Variants in GMDS observed in about 807,000 individuals in gnomAD.
GMDS encodes the protein GDP-mannose 4,6-dehydratase.
Under a neutral mutation model 49.9 loss-of-function variants are expected in GMDS, and 20 were observed. The ratio of observed to expected loss-of-function variants is 0.40; its 90% CI spans 0.28 to 0.58. GMDS has a LOEUF of 0.58. Among genes scored for constraint, GMDS ranks in the 20% least tolerant of loss-of-function variants. GMDS has a pLI of 0.42. For synonymous variants in GMDS, 177 were observed against 178.6 expected, an observed-to-expected ratio of 0.99 and a Z score of 0.07; for missense variants, 362 against 481.4, an observed-to-expected ratio of 0.75 and a Z score of 2.32.
intron 1 of GMDS, among the ~76,000 whole-genome samples, chr6:2,215,096 G>C (rs1429683129): frequency 6.6e-6 from 1 of 152,088 alleles, no homozygotes; most frequent in Non-Finnish European, 1.5e-5. Context: ...AGGAAATAAA[G>C]GGATAAAAGA....
intron 1 of GMDS, among the ~76,000 whole-genome samples, chr6:2,185,238 AGT>A (rs1778726304): frequency 6.6e-6 from 1 of 152,310 alleles, no homozygotes; most frequent in South Asian, 2.1e-4. Context: ...AACAAACTTA[AGT>A]TTTTTCAAAG....
chr6:1,703,995 C>T (rs765661124), intron 9 of GMDS, among the ~76,000 whole-genome samples: 1 of 152,162 alleles, frequency 6.6e-6, no homozygotes, highest in Non-Finnish European at 1.5e-5. Context: ...AGTCTGTGCA[C>T]CCTGACTTTC....
intron 7 of GMDS, among the ~76,000 whole-genome samples, chr6:1,786,184 C>G (rs889282689): frequency 5.9e-5 from 9 of 152,184 alleles, no homozygotes; most frequent in Non-Finnish European, 1.5e-5. Context: ...TTTAATAACT[C>G]CATGAAAATG....
At chr6:1,846,772 A>T (rs1452675951) in intron 7 of GMDS, among the ~76,000 whole-genome samples, 3 of 152,260 alleles carry the variant, frequency 2.0e-5, no homozygotes, top group African/African-American at 7.2e-5. Flanking sequence ...TGTACCGGAA[A>T]GCAAAGCCTC....
chr6:1,669,975 C>T (rs2436582), intron 9 of GMDS, among the ~76,000 whole-genome samples: 118,119 of 143,152 alleles, frequency 0.83, 49,117 homozygotes, highest in East Asian at 0.89. Context: ...GCTGGGTGAC[C>T]GGAGAGGTCA....
At chr6:1,627,766 T>C (rs890066581) in intron 9 of GMDS, among the ~76,000 whole-genome samples, 3 of 152,186 alleles carry the variant, frequency 2.0e-5, no homozygotes, top group African/African-American at 7.2e-5. Flanking sequence ...AACTGGGTGG[T>C]CTGGAGCTTT....
At chr6:2,117,014 A>T (rs149280498) in intron 3 of GMDS, among the ~76,000 whole-genome samples, 6 of 152,342 alleles carry the variant, frequency 3.9e-5, no homozygotes, top group African/African-American at 9.6e-5. Flanking sequence ...GCTGACAATG[A>T]TCAGTCATTT....
intron 7 of GMDS, among the ~76,000 whole-genome samples, chr6:1,871,222 C>T (rs1353737098): frequency 6.6e-6 from 1 of 152,168 alleles, no homozygotes; most frequent in Admixed American, 6.5e-5. Flanking sequence ...TGTGACTTCT[C>T]GGCCTCACTG....
chr6:1,769,184 G>A (rs1013871617), intron 7 of GMDS, among the ~76,000 whole-genome samples: 17 of 152,246 alleles, frequency 1.1e-4, no homozygotes, highest in Admixed American at 2.6e-4. Flanking sequence ...CAAGCTTCAC[G>A]ACAATAACTG....
At chr6:1,971,582 G>A (rs987538654) in intron 4 of GMDS, among the ~76,000 whole-genome samples, 2 of 152,026 alleles carry the variant, frequency 1.3e-5, no homozygotes, top group African/African-American at 4.8e-5. Context: ...GCTCTCACAG[G>A]GAATCAGAAC....
chr6:1,862,483 C>G (rs1758236986), intron 7 of GMDS, among the ~76,000 whole-genome samples: 1 of 152,228 alleles, frequency 6.6e-6, no homozygotes, highest in Non-Finnish European at 1.5e-5. Flanking sequence ...CAAAGAGAAT[C>G]TGCTGAATAT....
At chr6:1,637,786 G>A (rs1763209588) in intron 9 of GMDS, among the ~76,000 whole-genome samples, 1 of 152,170 alleles carries the variant, frequency 6.6e-6, no homozygotes, top group South Asian at 2.1e-4. Flanking sequence ...GTTCCCCGAG[G>A]GCCCTTAGAC....
At chr6:2,150,798 T>C (rs1377663406) in intron 1 of GMDS, among the ~76,000 whole-genome samples, 1 of 151,584 alleles carries the variant, frequency 6.6e-6, no homozygotes, top group East Asian at 1.9e-4. Flanking sequence ...ACCACTTCTG[T>C]TATCAACACT....
intron 1 of GMDS, among the ~76,000 whole-genome samples, chr6:2,204,374 T>C (rs916773426): frequency 1.3e-5 from 2 of 152,216 alleles, no homozygotes; most frequent in African/African-American, 4.8e-5. Context: ...TCTTCCTGCA[T>C]ACATCCCTTA....
intron 6 of GMDS, among the ~76,000 whole-genome samples, chr6:1,958,056 T>A (rs2325723): frequency 0.59 from 88,817 of 151,050 alleles, 26,158 homozygotes; most frequent in East Asian, 0.64. Flanking sequence ...TCCCCCGAAC[T>A]TAGCTTCCCA....
intron 9 of GMDS, chr6:1,625,609 A>AT (rs1282377226): frequency 1.3e-5 from 2 of 152,248 alleles, no homozygotes; most frequent in African/African-American, 4.8e-5. Context: ...CTACTCACCA[A>AT]TGTCTTTCTT....
intron 7 of GMDS, among the ~76,000 whole-genome samples, chr6:1,914,726 C>T (rs1384027756): frequency 2.0e-5 from 3 of 152,190 alleles, no homozygotes; most frequent in African/African-American, 7.2e-5. Context: ...TCTCACAGGG[C>T]TTTGGATGGC....
intron 4 of GMDS, among the ~76,000 whole-genome samples, chr6:2,112,800 C>A (rs757735384): frequency 6.6e-6 from 1 of 152,106 alleles, no homozygotes; most frequent in African/African-American, 2.4e-5. Flanking sequence ...CTAGCCTCAT[C>A]CCCTCTTGCT....
intron 1 of GMDS, among the ~76,000 whole-genome samples, chr6:2,233,964 G>A (rs1229558913): frequency 2.0e-5 from 3 of 152,166 alleles, no homozygotes; most frequent in African/African-American, 7.2e-5. Context: ...CAGGATTTCT[G>A]AGGAAGTATG....
Sources: gnomAD v4.1 joint callset for allele counts (sites outside exome capture counted in the v4.1 genomes callset) on GRCh38, gnomAD v4.1.1 for gene constraint, MANE v1.5 for transcripts, NCBI Gene and HGNC (gene_info 2026-07-23, HGNC 2026-07-21) for gene names.